The following COL4A5 variants were observed in gnomAD, a reference collection of about 807,000 sequenced individuals.
COL4A5 encodes collagen type IV alpha 5 chain.
A neutral mutation model predicts 130.2 loss-of-function variants in COL4A5; 26 were observed. The observed-to-expected ratio is 0.20, with a 90% CI of 0.15 to 0.28. The LOEUF (loss-of-function observed/expected upper bound fraction) is 0.28. Among genes scored for constraint, COL4A5 ranks in the 10% least tolerant of loss-of-function variants. The probability of loss-of-function intolerance (pLI) is 1.00; values close to 1 mark genes in which losing one functional copy is unlikely to be tolerated. For synonymous variants in COL4A5, 496 were observed against 439.6 expected (o/e 1.13, Z -1.60); for missense variants, 1,131 against 1,344.3 (o/e 0.84, Z 2.48).
intron 1 of COL4A5, among the ~76,000 whole-genome samples, chrX:108,490,840 C>A (rs950342731): frequency 1.7e-4 from 19 of 110,760 alleles, no homozygotes; most frequent in African/African-American, 5.9e-4. Flanking sequence ...TCTGTTGATT[C>A]CTTCTTGGTG....
At chrX:108,500,111 T>G (rs1328176605) in intron 1 of COL4A5, among the ~76,000 whole-genome samples, 1 of 112,206 alleles carries the variant, frequency 8.9e-6, no homozygotes, top group African/African-American at 3.2e-5. Context: ...AATTAGAAAG[T>G]AAATACCTGA....
intron 2 of COL4A5, 35 bp downstream of exon 2, chrX:108,539,840 A>T: frequency 9.3e-7 from 1 of 1,072,878 alleles, no homozygotes; most frequent in Non-Finnish European, 1.3e-6. Context: ...AAATTTAGTA[A>T]AGCCAGTAAA....
rs761491217 is a variant in COL4A5, at chrX:108,653,141, A to T, written c.3247-2190A>T. ...GATAAAGCTTAAGCTAGCAAATTTC[A>T]GTGTTTTTTTCAGAAGCCCTAATAA... On this transcript the variant is annotated intron_variant, in intron 36 of 52. Coordinates refer to ENST00000328300, the MANE Select transcript of COL4A5 (RefSeq NM_033380.3). Among the ~76,000 whole-genome samples the T allele has an allele frequency of 7.2e-5, 8 of 111,539 alleles. No homozygotes were observed. The East Asian group carries it at 2.2e-3, about 31-fold the overall frequency.
rs184665168 is a variant in COL4A5, at chrX:108,581,051, C to T, written c.936+24C>T. The T allele has an allele frequency of 2.5e-6, 3 of 1,180,829 alleles. No individual in the cohort carries two copies. In the African/African-American group the frequency reaches 5.3e-5, roughly 21 times the overall value. On this transcript the variant is annotated intron_variant, in intron 16 of 52. Transcript: ENST00000328300. ...CTGTAAGTAGCTAAGGTTCTTTCCC[C>T]CTGCAAAACTGGAGACATTTATGTG...
chrX:108,473,633 A>ACATATATATATATATTTT (rs2064801917), intron 1 of COL4A5, among the ~76,000 whole-genome samples: 1 of 34,567 alleles, frequency 2.9e-5, no homozygotes, highest in Non-Finnish European at 6.0e-5. Context: ...ATATATATAT[A>ACATATATATATATATTTT]TTTTTTTTTT....
At chrX:108,493,699 T>C (rs935796047) in intron 1 of COL4A5, among the ~76,000 whole-genome samples, 2 of 109,780 alleles carry the variant, frequency 1.8e-5, no homozygotes, top group Non-Finnish European at 3.8e-5. Context: ...TTCTTGGATC[T>C]ACATAGCCAT....
intron 1 of COL4A5, among the ~76,000 whole-genome samples, chrX:108,505,606 T>A (rs2065117215): frequency 9.0e-6 from 1 of 110,515 alleles, no homozygotes; most frequent in Non-Finnish European, 1.9e-5. Flanking sequence ...CACCAGAGAG[T>A]TCACTCACTC....
chrX:108,599,312 T>A (rs2066584511), intron 25 of COL4A5, among the ~76,000 whole-genome samples: 1 of 112,054 alleles, frequency 8.9e-6, no homozygotes, highest in Non-Finnish European at 1.9e-5. Flanking sequence ...TCTGTATGCA[T>A]TTTTAAACAG....
chrX:108,671,057 A>G (rs932699471), intron 42 of COL4A5, among the ~76,000 whole-genome samples: 2 of 110,915 alleles, frequency 1.8e-5, no homozygotes, highest in East Asian at 5.7e-4. Context: ...AAATCAATGC[A>G]ACCAGCACAG....
At chrX:108,621,712 T>G (rs1196900690) in intron 31 of COL4A5, 91 bp from the exon 32 acceptor site, 2 of 705,283 alleles carry the variant, frequency 2.8e-6, no homozygotes, top group Admixed American at 5.2e-5. Context: ...CGTCCAACCC[T>G]CAATAGTTTT....
intron 37 of COL4A5, among the ~76,000 whole-genome samples, chrX:108,660,298 C>G (rs2067928883): frequency 9.0e-6 from 1 of 111,213 alleles, no homozygotes; most frequent in Non-Finnish European, 1.9e-5. Context: ...GAAACAAAAC[C>G]AATTTTCATA....
In COL4A5 at chrX:108,644,922, A is replaced by C. The variant is rs867117017; in HGVS notation, c.3247-10409A>C. Among the ~76,000 whole-genome samples, 320 of 89,051 alleles carry C rather than the reference A, an allele frequency of 3.6e-3. 2 individuals carry two copies. The highest frequency in any genetic ancestry group is 0.013 in the African/African-American group (196 of 14,994). The allele number at this position is 89,051 out of a possible 115,157, so 77.3% of individuals were successfully genotyped here. On this transcript the variant is annotated intron_variant, in intron 36 of 52. Transcript: ENST00000328300. ...CTCCAAACAACAACAACAACAACAA[A>C]AAAAAAAAAAAAAAAGAAAGCAAAG...
At chrX:108,512,600 G>A (rs1009892200) in intron 1 of COL4A5, among the ~76,000 whole-genome samples, 17 of 110,228 alleles carry the variant, frequency 1.5e-4, no homozygotes, top group Admixed American at 1.2e-3. Context: ...AGTAGGTTCC[G>A]TGATGCCCCA....
chrX:108,484,991 C>T (rs764617297), intron 1 of COL4A5, among the ~76,000 whole-genome samples: 2 of 112,136 alleles, frequency 1.8e-5, no homozygotes, highest in Admixed American at 9.4e-5. Flanking sequence ...TTTACTCTAG[C>T]AGATTTGACC....
intron 21 of COL4A5, among the ~76,000 whole-genome samples, chrX:108,593,561 G>T (rs1303500195): frequency 9.0e-6 from 1 of 110,938 alleles, no homozygotes; most frequent in African/African-American, 3.3e-5. Context: ...TACCTTTCAC[G>T]TTTTGATCTT....
At chrX:108,589,110 T>G (rs192796533) in intron 19 of COL4A5, among the ~76,000 whole-genome samples, 160 of 111,838 alleles carry the variant, frequency 1.4e-3, no homozygotes, top group Admixed American at 7.2e-3. Context: ...AGTAACAACT[T>G]GGAGCTATAA....
chrX:108,521,301 T>G (rs1308244102), intron 1 of COL4A5, among the ~76,000 whole-genome samples: 6 of 111,157 alleles, frequency 5.4e-5, no homozygotes, highest in Non-Finnish European at 1.9e-5. Context: ...GGATCTTTCA[T>G]GTCTCTGTAC....
intron 36 of COL4A5, among the ~76,000 whole-genome samples, chrX:108,648,433 C>G (rs950101443): frequency 3.8e-4 from 41 of 108,043 alleles, no homozygotes; most frequent in African/African-American, 1.4e-3. Context: ...ATACCGAGAC[C>G]AAAAAAGAAA....
At chrX:108,639,001 C>T (rs73528382) in intron 36 of COL4A5, among the ~76,000 whole-genome samples, 11,604 of 110,463 alleles carry the variant, frequency 0.11, 1,305 homozygotes, top group African/African-American at 0.34. Context: ...TTCAATGCAA[C>T]GCCTATCAAA....
Sources: allele counts gnomAD v4.1 joint callset (sites outside exome capture counted in the v4.1 genomes callset), GRCh38; gene constraint gnomAD v4.1.1; transcripts MANE v1.5; gene names NCBI Gene and HGNC (gene_info 2026-07-23, HGNC 2026-07-21).